Variants in SLC4A10 observed in about 807,000 individuals in gnomAD.
SLC4A10 encodes solute carrier family 4 member 10.
In SLC4A10, 42 loss-of-function variants were observed where a neutral mutation model predicts 137.7. The observed-to-expected ratio is 0.30, with a 90% CI of 0.24 to 0.39. The LOEUF is 0.39. SLC4A10 is among the 10% of genes least tolerant of loss of function. SLC4A10 has a pLI of 1.00. For missense variants in SLC4A10, 925 were observed against 1,355.0 expected (o/e 0.68, Z 4.98); for synonymous variants, 474 against 464.1 (o/e 1.02, Z -0.27).
At chr2:161,824,008 G>A (rs944689074) in intron 3 of SLC4A10, among the ~76,000 whole-genome samples, 2 of 152,178 alleles carry the variant, frequency 1.3e-5, no homozygotes, top group Non-Finnish European at 2.9e-5. Context: ...TGGACAATGA[G>A]AATCCTTTTT....
intron 1 of SLC4A10, among the ~76,000 whole-genome samples, chr2:161,727,165 A>G (rs976055507): frequency 6.6e-6 from 1 of 152,214 alleles, no homozygotes; most frequent in Non-Finnish European, 1.5e-5. Context: ...GAAAGCTGCA[A>G]TATCAACTCT....
intron 2 of SLC4A10, among the ~76,000 whole-genome samples, chr2:161,791,771 A>G (rs1239641709): frequency 6.6e-6 from 1 of 152,040 alleles, no homozygotes; most frequent in Non-Finnish European, 1.5e-5. Context: ...GATTTCTGAT[A>G]TTTTGTTTGT....
intron 1 of SLC4A10, among the ~76,000 whole-genome samples, chr2:161,723,802 A>G (rs1445618371): frequency 1.3e-5 from 2 of 152,228 alleles, no homozygotes; most frequent in Non-Finnish European, 2.9e-5. Context: ...CATTCCAAGT[A>G]AATATAATTA....
Position 161,863,789 on chromosome 2 carries a change from A to G in SLC4A10, c.766+727A>G, listed in dbSNP as rs191996395. Among the ~76,000 whole-genome samples the G allele has an allele frequency of 7.2e-5, 11 of 152,252 alleles. No individual in the cohort carries two copies. In the East Asian group the frequency reaches 2.1e-3, roughly 29 times the overall value. On this transcript the variant is annotated intron_variant, in intron 6 of 26. Transcript: ENST00000446997. ...TTTATTTAACCCCTCATCATTTGCA[A>G]TAAGGAAGTTGCTTAGGAATCTCCT...
At chr2:161,856,933 C>A (rs2060139774) in intron 5 of SLC4A10, among the ~76,000 whole-genome samples, 1 of 152,170 alleles carries the variant, frequency 6.6e-6, no homozygotes, top group Non-Finnish European at 1.5e-5. Flanking sequence ...AATCCAAATA[C>A]ATTTTGAAAT....
intron 15 of SLC4A10, among the ~76,000 whole-genome samples, chr2:161,907,010 C>T (rs1289964035): frequency 2.1e-5 from 3 of 145,100 alleles, no homozygotes; most frequent in Non-Finnish European, 3.0e-5. Flanking sequence ...GAGCTGAGAT[C>T]GCGCCACTGC....
At chr2:161,809,705 T>C (rs1487078524) in intron 3 of SLC4A10, among the ~76,000 whole-genome samples, 1 of 152,132 alleles carries the variant, frequency 6.6e-6, no homozygotes, top group African/African-American at 2.4e-5. Context: ...ACTTTATTTC[T>C]GGATTCTCTA....
intron 11 of SLC4A10, among the ~76,000 whole-genome samples, chr2:161,896,833 C>G (rs17729070): frequency 0.3 from 46,205 of 151,890 alleles, 7,357 homozygotes; most frequent in Admixed American, 0.39. Flanking sequence ...ACTAATCAAA[C>G]AGTGCCATAT....
chr2:161,701,299 TGTG>T (rs1376985274), intron 1 of SLC4A10, among the ~76,000 whole-genome samples: 1 of 152,062 alleles, frequency 6.6e-6, no homozygotes, highest in East Asian at 1.9e-4. Flanking sequence ...ATTTATGATC[TGTG>T]AACCTGTCTG....
At chr2:161,705,116 T>G (rs1172032288) in intron 1 of SLC4A10, among the ~76,000 whole-genome samples, 1 of 151,618 alleles carries the variant, frequency 6.6e-6, no homozygotes, top group Non-Finnish European at 1.5e-5. Context: ...AAACTTGTGA[T>G]TCTTATAGTT....
At chr2:161,949,435 T>A (rs1416834842) in intron 18 of SLC4A10, among the ~76,000 whole-genome samples, 174 bp downstream of exon 18, 1 of 151,772 alleles carries the variant, frequency 6.6e-6, no homozygotes, top group Non-Finnish European at 1.5e-5. Flanking sequence ...TTTAAAAATA[T>A]AAGAATTACA....
At chr2:161,973,002 T>C (rs1375720730) in intron 23 of SLC4A10, among the ~76,000 whole-genome samples, 1 of 152,178 alleles carries the variant, frequency 6.6e-6, no homozygotes, top group East Asian at 1.9e-4. Flanking sequence ...AAGGTCTGTT[T>C]ACCAAGGACA....
chr2:161,836,610 A>G (rs1399327008), intron 3 of SLC4A10, among the ~76,000 whole-genome samples: 1 of 149,226 alleles, frequency 6.7e-6, no homozygotes, highest in Non-Finnish European at 1.5e-5. Context: ...GGAAGGAAGG[A>G]AAGAAATGAA....
intron 3 of SLC4A10, among the ~76,000 whole-genome samples, chr2:161,805,123 A>G (rs928696320): frequency 1.3e-5 from 2 of 152,198 alleles, no homozygotes; most frequent in Non-Finnish European, 2.9e-5. Context: ...CATGTCTTAC[A>G]TGGGTGGCAG....
At chr2:161,633,398 G>A (rs1200441372) in intron 1 of SLC4A10, among the ~76,000 whole-genome samples, 1 of 151,680 alleles carries the variant, frequency 6.6e-6, no homozygotes, top group African/African-American at 2.4e-5. Flanking sequence ...AATAGATTAA[G>A]CAGCAACACT....
At chr2:161,841,033 G>A (rs912563936) in intron 4 of SLC4A10, among the ~76,000 whole-genome samples, 1 of 152,032 alleles carries the variant, frequency 6.6e-6, no homozygotes, top group Non-Finnish European at 1.5e-5. Context: ...GAGATAGCAG[G>A]ACGTGCTTAA....
At position 161,809,525 on chromosome 2, in the gene SLC4A10, T is replaced by C. The variant is rs542475009; in HGVS notation, c.277+4930T>C. Among the ~76,000 whole-genome samples the C allele has an allele frequency of 8.5e-5, 13 of 152,280 alleles. No homozygotes were observed. The South Asian group carries it at 2.7e-3, about 32-fold the overall frequency. On this transcript the variant is annotated intron_variant, in intron 3 of 26. Coordinates refer to ENST00000446997, the MANE Select transcript of SLC4A10 (RefSeq NM_001178015.2). Reference sequence around the variant, plus strand: ...TAACTTAAAGTCTTACATTTAACTCTTTAATCCAACTTGAGTTAATTTTTG... The same window carrying C: ...TAACTTAAAGTCTTACATTTAACTCCTTAATCCAACTTGAGTTAATTTTTG...
At chr2:161,779,166 C>A (rs891462456) in intron 2 of SLC4A10, among the ~76,000 whole-genome samples, 1 of 151,902 alleles carries the variant, frequency 6.6e-6, no homozygotes, top group African/African-American at 2.4e-5. Context: ...TGCTTTATAA[C>A]AACCTGCTCT....
intron 3 of SLC4A10, among the ~76,000 whole-genome samples, chr2:161,832,083 CA>C (rs2058469479): frequency 6.6e-6 from 1 of 152,134 alleles, no homozygotes; most frequent in South Asian, 2.1e-4. Flanking sequence ...TATGGGGCAA[CA>C]ATCAGTGAGG....
Sources: gnomAD v4.1 joint callset for allele counts (sites outside exome capture counted in the v4.1 genomes callset) on GRCh38, gnomAD v4.1.1 for gene constraint, MANE v1.5 for transcripts, NCBI Gene and HGNC (gene_info 2026-07-23, HGNC 2026-07-21) for gene names.